CRTC3: variants seen among roughly 807,000 people sequenced by gnomAD.
CRTC3 encodes the protein CREB-regulated transcription coactivator 3.
A neutral mutation model predicts 74.5 loss-of-function variants in CRTC3; 26 were observed. That is an observed-to-expected ratio of 0.35 (90% CI 0.26 to 0.48). CRTC3 has a LOEUF of 0.48. Among genes scored for constraint, CRTC3 ranks in the 20% least tolerant of loss-of-function variants. The pLI is 0.99. For missense variants in CRTC3, 760 were observed against 787.3 expected, an observed-to-expected ratio of 0.97 and a Z score of 0.41; for synonymous variants, 377 against 325.8, an observed-to-expected ratio of 1.16 and a Z score of -1.69.
chr15:90,610,717 G>C (rs1239750124), intron 6 of CRTC3, among the ~76,000 whole-genome samples: 9 of 152,208 alleles, frequency 5.9e-5, no homozygotes, highest in Non-Finnish European at 1.2e-4. Context: ...CTTACATGCA[G>C]ATAGGGAAGC....
intron 13 of CRTC3, among the ~76,000 whole-genome samples, chr15:90,640,587 TG>T (rs1171106988): frequency 6.6e-6 from 1 of 151,832 alleles, no homozygotes; most frequent in Non-Finnish European, 1.5e-5. Context: ...GAGGCTAAGG[TG>T]GACGGATTGC....
At chr15:90,595,850 C>T (rs529248890) in intron 3 of CRTC3, 3 of 152,322 alleles carry the variant, frequency 2.0e-5, no homozygotes, top group African/African-American at 4.8e-5. Flanking sequence ...CCGTTTTAGA[C>T]ATTTTAATTC....
rs1461103385 is a variant in CRTC3, at chr15:90,612,990, G to A, written c.578-1463G>A. The stretch of plus-strand genomic sequence containing the variant: ...GAGGCAGACAGATTACCTGAGGTCA[G>A]GAGGTTAAGACCAGCCTGGCCATCA... On this transcript the variant is annotated intron_variant, in intron 6 of 14. Coordinates refer to ENST00000268184, the MANE Select transcript of CRTC3 (RefSeq NM_022769.5). Among the ~76,000 whole-genome samples the A allele has an allele frequency of 2.0e-5, 3 of 152,176 alleles. No individual in the cohort carries two copies. The East Asian group carries it at 5.8e-4, about 29-fold the overall frequency.
intron 8 of CRTC3, chr15:90,618,199 A>C: frequency 6.1e-6 from 1 of 162,812 alleles, no homozygotes; most frequent in Non-Finnish European, 1.1e-5. Flanking sequence ...ATATGAATTG[A>C]CTTATTTAAA....
At chr15:90,634,780 G>C (rs1969172285) in intron 11 of CRTC3, 1 of 1,220,450 alleles carries the variant, frequency 8.2e-7, no homozygotes, top group South Asian at 1.2e-5. Flanking sequence ...GTATTGGTTG[G>C]AAGGAGCGCT....
At chr15:90,593,009 T>C (rs570560867) in intron 2 of CRTC3, among the ~76,000 whole-genome samples, 23 of 152,158 alleles carry the variant, frequency 1.5e-4, no homozygotes, top group African/African-American at 5.3e-4. Flanking sequence ...AAAAATTAGC[T>C]GGGCGTGGTG....
intron 8 of CRTC3, among the ~76,000 whole-genome samples, chr15:90,619,262 G>T (rs1968574823): frequency 6.6e-6 from 1 of 152,162 alleles, no homozygotes. Flanking sequence ...TTTGAGACCA[G>T]CCTGGCCAAC....
chr15:90,601,227 T>A (rs536632829), intron 3 of CRTC3, among the ~76,000 whole-genome samples: 1 of 152,178 alleles, frequency 6.6e-6, no homozygotes, highest in Non-Finnish European at 1.5e-5. Context: ...TGTGTCTCCG[T>A]GCGTCCAGAA....
chr15:90,541,769 C>T (rs1966805201), intron 2 of CRTC3, among the ~76,000 whole-genome samples: 1 of 148,822 alleles, frequency 6.7e-6, no homozygotes, highest in Non-Finnish European at 1.5e-5. Flanking sequence ...TAATCCTTGG[C>T]CTTCCCAGGA....
intron 2 of CRTC3, among the ~76,000 whole-genome samples, chr15:90,591,986 G>A (rs1423219166): frequency 1.3e-5 from 2 of 152,148 alleles, no homozygotes; most frequent in African/African-American, 4.8e-5. Flanking sequence ...TCCTTGGTAA[G>A]ATAACTTTAT....
intron 9 of CRTC3, among the ~76,000 whole-genome samples, chr15:90,620,998 T>G (rs75305210): frequency 6.6e-6 from 1 of 151,982 alleles, no homozygotes; most frequent in African/African-American, 2.4e-5. Context: ...CGCCACGGGT[T>G]GATGTTTGCT....
At chr15:90,617,789 A>G (rs551061685) in intron 7 of CRTC3, 94 bp from the exon 8 acceptor site, 1 of 802,204 alleles carries the variant, frequency 1.2e-6, no homozygotes, top group Non-Finnish European at 2.2e-6. Flanking sequence ...CCTCAGCCCC[A>G]TAAAGTGCTA....
At chr15:90,637,319 C>G (rs1969275335) in intron 11 of CRTC3, among the ~76,000 whole-genome samples, 1 of 152,136 alleles carries the variant, frequency 6.6e-6, no homozygotes, top group Non-Finnish European at 1.5e-5. Context: ...AAACCAAACA[C>G]CACATATTCT....
chr15:90,544,845 A>T (rs983127108), intron 2 of CRTC3, among the ~76,000 whole-genome samples: 1 of 152,230 alleles, frequency 6.6e-6, no homozygotes, highest in Non-Finnish European at 1.5e-5. Flanking sequence ...AAAATTTACC[A>T]TCTTAACCAT....
At chr15:90,549,704 CTTTTT>C (rs11322295) in intron 2 of CRTC3, among the ~76,000 whole-genome samples, 3 of 110,054 alleles carry the variant, frequency 2.7e-5, no homozygotes, top group Non-Finnish European at 5.7e-5. Context: ...TATTCTTTTT[CTTTTT>C]TTTTTTTTTT....
At chr15:90,588,046 G>A (rs1967708599) in intron 2 of CRTC3, among the ~76,000 whole-genome samples, 3 of 151,730 alleles carry the variant, frequency 2.0e-5, no homozygotes, top group African/African-American at 4.8e-5. Flanking sequence ...CCAGGAGATC[G>A]AGATCAGCCT....
At chr15:90,574,175 TA>T (rs879403285) in intron 2 of CRTC3, among the ~76,000 whole-genome samples, 11 of 152,134 alleles carry the variant, frequency 7.2e-5, no homozygotes, top group Non-Finnish European at 1.5e-4. Context: ...TTACAGATTT[TA>T]AAAAAATATA....
intron 14 of CRTC3, 192 bp downstream of exon 14, chr15:90,641,391 A>G (rs115587041): frequency 3.1e-4 from 178 of 571,648 alleles, no homozygotes; most frequent in Non-Finnish European, 3.6e-4. Flanking sequence ...CTGGTAGTCA[A>G]AGCCTTTTCT....
Position 90,556,958 on chromosome 15 carries a change from C to CTATATA in CRTC3, c.231+16857_231+16862dup, listed in dbSNP as rs6145675. On this transcript the variant is annotated intron_variant, in intron 2 of 14. Coordinates refer to ENST00000268184, the MANE Select transcript of CRTC3 (RefSeq NM_022769.5). ...TATTCTCTTTATAATCACCACATGG[C>CTATATA]TATATATATATATATATATATATAT... is the stretch of plus-strand genomic sequence containing the variant. Among the ~76,000 whole-genome samples, 494 of 130,362 alleles carry CTATATA rather than the reference C, an allele frequency of 3.8e-3. 1 individual carries two copies. Among genetic ancestry groups the CTATATA allele is most frequent in the East Asian group, 6.6e-3 (29 of 4,420 alleles). The allele number at this position is 130,362 out of a possible 152,430, so 85.5% of individuals were successfully genotyped here.
Sources: allele counts gnomAD v4.1 joint callset (sites outside exome capture counted in the v4.1 genomes callset), GRCh38; gene constraint gnomAD v4.1.1; transcripts MANE v1.5; gene names NCBI Gene and HGNC (gene_info 2026-07-23, HGNC 2026-07-21).